Variants in NECTIN4 observed in about 807,000 individuals in gnomAD.
The protein encoded by NECTIN4 is nectin cell adhesion molecule 4.
Under a neutral mutation model 51.7 loss-of-function variants are expected in NECTIN4, and 19 were observed. The ratio of observed to expected loss-of-function variants is 0.37; its 90% confidence interval spans 0.26 to 0.54. The LOEUF (loss-of-function observed/expected upper bound fraction) is 0.54. NECTIN4 is among the 20% of genes least tolerant of loss of function. NECTIN4 has a pLI of 0.86. For missense variants in NECTIN4, 619 were observed against 662.4 expected, an observed-to-expected ratio of 0.93 and a Z score of 0.72; for synonymous variants, 283 against 286.9, an observed-to-expected ratio of 0.99 and a Z score of 0.14.
At chr1:161,080,649 C>T (rs1236953660) in intron 1 of NECTIN4, among the ~76,000 whole-genome samples, 1 of 152,118 alleles carries the variant, frequency 6.6e-6, no homozygotes, top group Non-Finnish European at 1.5e-5. Context: ...GGGCCCAGGT[C>T]AGAGGCCCAG....
intron 3 of NECTIN4, among the ~76,000 whole-genome samples, chr1:161,077,156 A>G (rs1653446546): frequency 6.6e-6 from 1 of 152,218 alleles, no homozygotes; most frequent in South Asian, 2.1e-4. Context: ...CTATTTCCAA[A>G]TCCTAAACTA....
rs1571141452 is a variant in NECTIN4, at chr1:161,072,298, C to T, written c.*363G>A. 1 of 385,398 alleles carries T rather than the reference C, an allele frequency of 2.6e-6. No individual in the cohort carries two copies. The highest frequency in any genetic ancestry group is 5.0e-6 in the Non-Finnish European group (1 of 200,378). The allele number at this position is 385,398 out of a possible 1,614,324, so 23.9% of individuals were successfully genotyped here. On this transcript the variant is annotated 3_prime_UTR_variant, in exon 9 of 9. Coordinates refer to ENST00000368012, the MANE Select transcript of NECTIN4 (RefSeq NM_030916.3). ...CGCCAAACCCTGACAGTGTTGCCCA[C>T]GCAACCACTCAAATCCCGTGGCACA...
intron 6 of NECTIN4, 40 bp from the exon 7 acceptor site, chr1:161,073,835 G>A: frequency 1.3e-6 from 2 of 1,574,856 alleles, no homozygotes; most frequent in Non-Finnish European, 1.7e-6. Context: ...GAGGGTAGTG[G>A]CAGCCTCCCA....
At chr1:161,080,947 G>A (rs1336933099) in intron 1 of NECTIN4, among the ~76,000 whole-genome samples, 1 of 152,176 alleles carries the variant, frequency 6.6e-6, no homozygotes, top group Non-Finnish European at 1.5e-5. Context: ...GTGTGTTACA[G>A]GCCAACTGTG....
In NECTIN4 at chr1:161,072,807, G is replaced by C. The variant is rs142579218; in HGVS notation, c.1387C>G (p.Pro463Ala). 6.3e-4 allele frequency: 1,022 copies of C among 1,614,122 alleles called. 3 individuals carry two copies. The highest frequency in any genetic ancestry group is 1.4e-3 in the South Asian group (126 of 91,090). Reference protein sequence around the residue: ...EIETQTELLSPGSGRAEEEED... With the variant: ...EIETQTELLSAGSGRAEEEED... ...TCCTCCTCGGCCCGCCCAGAGCCTGGAGACAGCAGTTCAGTCTGTGTTTCT... is the reference window on the plus strand; with the variant it reads ...TCCTCCTCGGCCCGCCCAGAGCCTGCAGACAGCAGTTCAGTCTGTGTTTCT... Residue 463 changes from proline to alanine, a missense_variant, in exon 9 of 9, where the codon CCA becomes GCA. Transcript: ENST00000368012.
intron 1 of NECTIN4, chr1:161,087,037 G>T (rs750288305): frequency 1.3e-5 from 2 of 152,244 alleles, no homozygotes; most frequent in African/African-American, 2.4e-5. Context: ...CTGAAGTCTG[G>T]TTTCATCGCT....
At position 161,079,780 on chromosome 1, in the gene NECTIN4, G is replaced by A; in HGVS notation, c.249C>T (p.His83=). 2 of 1,613,014 alleles carry A rather than the reference G, an allele frequency of 1.2e-6. No individual in the cohort carries two copies. Among genetic ancestry groups the A allele is most frequent in the Non-Finnish European group, 1.7e-6 (2 of 1,179,976 alleles). ...GGCTCACATGAAGCCCGTATTTGGA[G>A]TGCAGTAGCGCTAGTTCCTGGGCGC... The part of the protein sequence containing the change: ...GEGAQELALL[H]SKYGLHVSPA... The change falls in exon 2 of 9, where the codon CAC becomes CAT. Residue 83 remains histidine, a synonymous_variant. Transcript: ENST00000368012.
At chr1:161,084,046 C>T (rs777511452) in intron 1 of NECTIN4, among the ~76,000 whole-genome samples, 1 of 152,106 alleles carries the variant, frequency 6.6e-6, no homozygotes, top group African/African-American at 2.4e-5. Flanking sequence ...TGTAGGGGAT[C>T]GTAGAGGTGG....
At chr1:161,075,859 C>T (rs939807789) in intron 4 of NECTIN4, among the ~76,000 whole-genome samples, 1 of 152,174 alleles carries the variant, frequency 6.6e-6, no homozygotes, top group African/African-American at 2.4e-5. Context: ...GGGCAGATCA[C>T]AAGGTCTAGA....
At position 161,079,686 on chromosome 1, in the gene NECTIN4, G is replaced by T. The variant is rs963164484; in HGVS notation, c.343C>A (p.Arg115Ser). 6.2e-7 allele frequency: 1 copy of T among 1,607,586 alleles called. No homozygotes were observed. Among genetic ancestry groups the T allele is most frequent in the South Asian group, 1.1e-5 (1 of 91,020 alleles). Reference protein sequence around the residue: ...RNPLDGSVLLRNAVQADEGEY... With the variant: ...RNPLDGSVLLSNAVQADEGEY... Reference sequence around the variant, plus strand: ...CCCTCATCCGCCTGCACTGCGTTGCGCAGGAGCACTGAGCCGTCCAGGGGG... The same window carrying T: ...CCCTCATCCGCCTGCACTGCGTTGCTCAGGAGCACTGAGCCGTCCAGGGGG... The change falls in exon 2 of 9, where the codon CGC becomes AGC. Residue 115 changes from arginine (R) to serine (S), a missense_variant. Transcript: ENST00000368012.
chr1:161,079,537 G>C (rs965554232), intron 2 of NECTIN4, 53 bp downstream of exon 2: 1 of 1,594,370 alleles, frequency 6.3e-7, no homozygotes. Context: ...CCCCATCTCT[G>C]CTTCCCCCTG....
rs1653168404 is a variant in NECTIN4, at chr1:161,071,647, T to C, written c.*1014A>G. Reference sequence around the variant, plus strand: ...CCCTGGTGTTGGAGGGGCCTCACTTTAAGCAATCCCAGTAGTAAACATTGG... The same window carrying C: ...CCCTGGTGTTGGAGGGGCCTCACTTCAAGCAATCCCAGTAGTAAACATTGG... On this transcript the variant is annotated 3_prime_UTR_variant, in exon 9 of 9. Coordinates refer to ENST00000368012, the MANE Select transcript of NECTIN4 (RefSeq NM_030916.3). 1 of 152,162 alleles carries C rather than the reference T, an allele frequency of 6.6e-6. No homozygotes were observed. The highest frequency in any genetic ancestry group is 2.1e-4 in the South Asian group (1 of 4,830). The allele number at this position is 152,162 out of a possible 1,614,324, so 9.4% of individuals were successfully genotyped here. A position where few individuals can be genotyped will look rare whatever the true frequency, so the allele number is the denominator to read the frequency against.
chr1:161,082,058 A>G (rs370019326), intron 1 of NECTIN4, among the ~76,000 whole-genome samples: 3 of 152,218 alleles, frequency 2.0e-5, no homozygotes, highest in African/African-American at 7.2e-5. Flanking sequence ...GGCTGGGCAC[A>G]GTGGCTCACA....
chr1:161,084,786 A>T (rs1183901828), intron 1 of NECTIN4: 1 of 152,090 alleles, frequency 6.6e-6, no homozygotes, highest in African/African-American at 2.4e-5. Context: ...CCACCACCAG[A>T]AAAACCAGCT....
chr1:161,078,547 G>C (rs947653261), intron 2 of NECTIN4, among the ~76,000 whole-genome samples: 10 of 151,512 alleles, frequency 6.6e-5, no homozygotes, highest in African/African-American at 2.2e-4. Flanking sequence ...ACCTCAGGTG[G>C]TCTGCCCACC....
At chr1:161,076,535 C>A (rs1209168961) in intron 3 of NECTIN4, 60 bp from the exon 4 acceptor site, 2 of 1,606,946 alleles carry the variant, frequency 1.2e-6, no homozygotes, top group Non-Finnish European at 1.7e-6. Flanking sequence ...TGTGGTACCT[C>A]AAAGGGCCCT....
At chr1:161,076,056 C>G (rs894337752) in intron 4 of NECTIN4, among the ~76,000 whole-genome samples, 1 of 152,222 alleles carries the variant, frequency 6.6e-6, no homozygotes, top group South Asian at 2.1e-4. Context: ...AGCCTGGCGA[C>G]AGAGCAAGAC....
chr1:161,074,094 A>C (rs1571144354), intron 6 of NECTIN4, 123 bp downstream of exon 6: 1 of 1,241,036 alleles, frequency 8.1e-7, no homozygotes, highest in South Asian at 1.2e-5. Context: ...CACCCTGCCC[A>C]CCTCTAGTCT....
intron 1 of NECTIN4, among the ~76,000 whole-genome samples, chr1:161,080,738 A>C (rs1653646722): frequency 6.6e-6 from 1 of 152,018 alleles, no homozygotes. Context: ...ACAAAGGGCT[A>C]GTACAAAGGG....
Sources: gnomAD v4.1 joint callset for allele counts (sites outside exome capture counted in the v4.1 genomes callset) on GRCh38, gnomAD v4.1.1 for gene constraint, MANE v1.5 for transcripts, NCBI Gene and HGNC (gene_info 2026-07-23, HGNC 2026-07-21) for gene names.